Variants in HDGFL3 observed in about 807,000 individuals in gnomAD.
HDGFL3 encodes HDGF like 3.
A neutral mutation model predicts 27.6 loss-of-function variants in HDGFL3; 6 were observed. The ratio of observed to expected loss-of-function variants is 0.22; its 90% confidence interval spans 0.12 to 0.43. HDGFL3 has a LOEUF of 0.43. HDGFL3 is among the 20% of genes least tolerant of loss of function. The pLI is 1.00. For synonymous variants in HDGFL3, 88 were observed against 88.9 expected (o/e 0.99, Z 0.05); for missense variants, 207 against 250.1 (o/e 0.83, Z 1.16).
intron 2 of HDGFL3, 177 bp downstream of exon 2, chr15:83,163,822 A>G: frequency 1.8e-6 from 1 of 569,494 alleles, no homozygotes; most frequent in Non-Finnish European, 3.1e-6. Flanking sequence ...GCTTTTAGTC[A>G]TAAAGACTTC....
At chr15:83,154,213 G>A (rs1365241161) in intron 4 of HDGFL3, among the ~76,000 whole-genome samples, 3 of 151,726 alleles carry the variant, frequency 2.0e-5, no homozygotes, top group African/African-American at 4.8e-5. Flanking sequence ...ATGTACGCCC[G>A]TGGTCCCAGC....
At chr15:83,185,388 A>G (rs74028252) in intron 1 of HDGFL3, among the ~76,000 whole-genome samples, 197 of 152,328 alleles carry the variant, frequency 1.3e-3, no homozygotes, top group African/African-American at 4.4e-3. Flanking sequence ...CTCAAGCCCA[A>G]GAAATCTTAA....
chr15:83,200,856 C>CTTTTT (rs200038603), intron 1 of HDGFL3, among the ~76,000 whole-genome samples: 6 of 120,172 alleles, frequency 5.0e-5, no homozygotes, highest in Admixed American at 8.5e-5. Context: ...TTACTTTATT[C>CTTTTT]TTTTTTTTTT....
At chr15:83,169,749 G>A (rs961438396) in intron 1 of HDGFL3, among the ~76,000 whole-genome samples, 4 of 152,092 alleles carry the variant, frequency 2.6e-5, no homozygotes, top group East Asian at 1.9e-4. Flanking sequence ...GCAGTAAGCC[G>A]AGATTGCATC....
intron 3 of HDGFL3, among the ~76,000 whole-genome samples, chr15:83,118,268 CAG>C (rs1478144783): frequency 6.6e-6 from 1 of 150,668 alleles, no homozygotes; most frequent in African/African-American, 2.5e-5. Flanking sequence ...CACACACATA[CAG>C]AGAGAGCAAG....
chr15:83,188,243 C>A (rs1024722036), intron 1 of HDGFL3, among the ~76,000 whole-genome samples: 1 of 152,034 alleles, frequency 6.6e-6, no homozygotes, highest in African/African-American at 2.4e-5. Context: ...CATTTCCCTA[C>A]AGGGTTATTT....
At chr15:83,127,430 TCCTGGATGCC>T, downstream of HDGFL3, 1 of 1,614,046 alleles carries the variant, frequency 6.2e-7, no homozygotes, top group Non-Finnish European at 8.5e-7. Flanking sequence ...TCCTGGATGT[TCCTGGATGCC>T]TGACATCACA....
chr15:83,171,700 G>C lies in HDGFL3; in HGVS notation c.85-7625C>G, dbSNP rs8026032. Among the ~76,000 whole-genome samples, 1,066 of 151,386 alleles carry C rather than the reference G, an allele frequency of 7.0e-3. 14 individuals carry two copies. Among genetic ancestry groups the C allele is most frequent in the African/African-American group, 0.025 (1,025 of 41,420 alleles). ...TGGGAGCTAAGTAATGAGTATGCATGAATGCAAAGATGAGAACAGTAGACA... is the reference window on the plus strand; with the variant it reads ...TGGGAGCTAAGTAATGAGTATGCATCAATGCAAAGATGAGAACAGTAGACA... On this transcript the variant is annotated intron_variant, in intron 1 of 5. Coordinates refer to ENST00000299633, the MANE Select transcript of HDGFL3 (RefSeq NM_016073.4).
intron 1 of HDGFL3, chr15:83,186,010 T>G (rs60344060): frequency 0.2 from 30,858 of 152,168 alleles, 3,269 homozygotes; most frequent in Admixed American, 0.22. Flanking sequence ...CAACATCTCA[T>G]GAAGAAATGA....
At chr15:83,172,822 CAAAA>C (rs767796165) in intron 1 of HDGFL3, among the ~76,000 whole-genome samples, 2 of 66,758 alleles carry the variant, frequency 3.0e-5, no homozygotes, top group Admixed American at 1.8e-4. Flanking sequence ...GACTCCAGCT[CAAAA>C]AAAAAAAAAA....
intron 3 of HDGFL3, among the ~76,000 whole-genome samples, chr15:83,116,659 C>T (rs1021284596): frequency 6.6e-6 from 1 of 152,146 alleles, no homozygotes; most frequent in African/African-American, 2.4e-5. Flanking sequence ...GGGAAGGGTC[C>T]GTGCCATGAG....
chr15:83,169,547 AT>A (rs1203610803), intron 1 of HDGFL3, among the ~76,000 whole-genome samples: 2 of 151,916 alleles, frequency 1.3e-5, no homozygotes, highest in East Asian at 3.9e-4. Flanking sequence ...CACGCCTGTA[AT>A]CCCAGCACTT....
At chr15:83,179,439 T>A (rs1035593543) in intron 1 of HDGFL3, among the ~76,000 whole-genome samples, 2 of 152,186 alleles carry the variant, frequency 1.3e-5, no homozygotes, top group African/African-American at 4.8e-5. Flanking sequence ...GGCAAGGAAA[T>A]TCCACATGGC....
At chr15:83,183,092 G>A (rs1443835299) in intron 1 of HDGFL3, among the ~76,000 whole-genome samples, 1 of 152,182 alleles carries the variant, frequency 6.6e-6, no homozygotes, top group African/African-American at 2.4e-5. Context: ...CTCTTAAAAT[G>A]TAAAGTCAAC....
chr15:83,178,125 G>A (rs756973132), intron 1 of HDGFL3, among the ~76,000 whole-genome samples: 3 of 152,154 alleles, frequency 2.0e-5, no homozygotes, highest in Non-Finnish European at 2.9e-5. Flanking sequence ...TATAATAACT[G>A]CAAATAACAG....
intron 3 of HDGFL3, chr15:83,115,886 A>G (rs1336264557): frequency 1.2e-6 from 2 of 1,614,074 alleles, no homozygotes; most frequent in African/African-American, 2.7e-5. Flanking sequence ...GAACCTCATC[A>G]TAGGACTGGA....
rs371426755 is a variant in HDGFL3 at position 83,204,498 on chromosome 15, G to A, written c.84+2833C>T. ...AGGATATATGAACAGATGCATGAAA[G>A]AGCAAGTAGAATGAAATTTAATTGT... On this transcript the variant is annotated intron_variant, in intron 1 of 5. Coordinates refer to ENST00000299633, the MANE Select transcript of HDGFL3 (RefSeq NM_016073.4). 7.9e-5 allele frequency among the ~76,000 whole-genome samples: 12 copies of A among 152,270 alleles called. No individual in the cohort carries two copies. The East Asian group carries it at 1.7e-3, about 22-fold the overall frequency.
intron 1 of HDGFL3, among the ~76,000 whole-genome samples, chr15:83,187,323 C>T (rs1414229969): frequency 6.7e-5 from 10 of 148,558 alleles, no homozygotes; most frequent in Non-Finnish European, 4.4e-5. Flanking sequence ...AAATGTTACA[C>T]GGGCAGAGTT....
intron 1 of HDGFL3, among the ~76,000 whole-genome samples, chr15:83,183,917 TC>T (rs1472546191): frequency 6.6e-6 from 1 of 152,138 alleles, no homozygotes; most frequent in Non-Finnish European, 1.5e-5. Flanking sequence ...TAGCTGGCCC[TC>T]CTCCAGCAAA....
Sources: gnomAD v4.1 joint callset for allele counts (sites outside exome capture counted in the v4.1 genomes callset) on GRCh38, gnomAD v4.1.1 for gene constraint, MANE v1.5 for transcripts, NCBI Gene and HGNC (gene_info 2026-07-23, HGNC 2026-07-21) for gene names.